Variants in GPC4 observed in about 807,000 individuals in gnomAD.
The protein encoded by GPC4 is glypican 4, also known as glypican-4.
GPC4 carries 10 observed loss-of-function variants against 35.0 expected under a neutral mutation model. The ratio of observed to expected loss-of-function variants is 0.29; its 90% CI spans 0.18 to 0.48. The LOEUF (loss-of-function observed/expected upper bound fraction) is 0.48. Among genes scored for constraint, GPC4 ranks in the 20% least tolerant of loss-of-function variants. GPC4 has a pLI of 0.99. For missense variants in GPC4, 322 were observed against 451.3 expected (o/e 0.71, Z 2.60); for synonymous variants, 167 against 170.2 (o/e 0.98, Z 0.15).
intron 1 of GPC4, among the ~76,000 whole-genome samples, chrX:133,341,695 T>A (rs1361071906): frequency 9.0e-6 from 1 of 110,971 alleles, no homozygotes; most frequent in Non-Finnish European, 1.9e-5. Context: ...CACAAACACA[T>A]GCGTACACAC....
chrX:133,349,689 T>A (rs1018168023), intron 1 of GPC4, among the ~76,000 whole-genome samples: 2 of 112,242 alleles, frequency 1.8e-5, no homozygotes, highest in East Asian at 2.8e-4. Flanking sequence ...GGCGTGAACA[T>A]AGCTCACTGC....
intron 1 of GPC4, among the ~76,000 whole-genome samples, chrX:133,356,477 T>C (rs2124147971): frequency 9.0e-6 from 1 of 111,471 alleles, no homozygotes; most frequent in East Asian, 2.8e-4. Context: ...ACTCCTGACC[T>C]CAGGTGATCT....
intron 1 of GPC4, among the ~76,000 whole-genome samples, chrX:133,342,397 G>A (rs551596801): frequency 9.0e-6 from 1 of 111,115 alleles, no homozygotes; most frequent in Non-Finnish European, 1.9e-5. Context: ...AGATCTTTCC[G>A]GGAAGATTTT....
At chrX:133,409,361 T>C (rs1189914430) in intron 1 of GPC4, among the ~76,000 whole-genome samples, 1 of 94,322 alleles carries the variant, frequency 1.1e-5, no homozygotes, top group African/African-American at 3.8e-5. Flanking sequence ...AAAAAGTGTT[T>C]AGATCCAAAA....
intron 2 of GPC4, among the ~76,000 whole-genome samples, chrX:133,332,095 A>T (rs2068422888): frequency 8.9e-6 from 1 of 112,143 alleles, no homozygotes; most frequent in Non-Finnish European, 1.9e-5. Context: ...AATACTTAAT[A>T]AAAAGAAAAA....
At chrX:133,322,927 C>T (rs7065880) in intron 3 of GPC4, among the ~76,000 whole-genome samples, 46,882 of 110,495 alleles carry the variant, frequency 0.42, 9,310 homozygotes, top group African/African-American at 0.78. Context: ...GGTATTGACT[C>T]ATGGAAAGGT....
At chrX:133,322,136 G>A (rs2068368015) in intron 3 of GPC4, among the ~76,000 whole-genome samples, 3 of 111,589 alleles carry the variant, frequency 2.7e-5, no homozygotes, top group African/African-American at 9.8e-5. Context: ...GACAGTCCTG[G>A]TTGCTTACTA....
chrX:133,375,415 T>C (rs1275235043), intron 1 of GPC4, among the ~76,000 whole-genome samples: 1 of 112,133 alleles, frequency 8.9e-6, no homozygotes, highest in Non-Finnish European at 1.9e-5. Flanking sequence ...ACAATCAGAT[T>C]TGCAAAAACA....
At chrX:133,376,757 G>A (rs1291438163) in intron 1 of GPC4, among the ~76,000 whole-genome samples, 2 of 112,082 alleles carry the variant, frequency 1.8e-5, no homozygotes, top group Non-Finnish European at 3.8e-5. Flanking sequence ...GTTCTTCCAT[G>A]CCTTCATGTG....
intron 4 of GPC4, among the ~76,000 whole-genome samples, chrX:133,309,606 C>T (rs2068305802): frequency 8.9e-6 from 1 of 112,877 alleles, no homozygotes; most frequent in Admixed American, 9.3e-5. Context: ...AGAATTCGAT[C>T]ACTGTCACCA....
At chrX:133,315,851 G>A (rs1458870928) in intron 3 of GPC4, among the ~76,000 whole-genome samples, 1 of 111,309 alleles carries the variant, frequency 9.0e-6, no homozygotes, top group African/African-American at 3.3e-5. Flanking sequence ...CAGAATCCTT[G>A]GGGCTGGGGT....
intron 1 of GPC4, among the ~76,000 whole-genome samples, chrX:133,410,913 A>G (rs1185128623): frequency 2.7e-5 from 3 of 112,291 alleles, no homozygotes; most frequent in Admixed American, 9.5e-5. Flanking sequence ...ACCCTCCCCA[A>G]GTGAAACACA....
At chrX:133,375,239 G>C (rs762914299) in intron 1 of GPC4, among the ~76,000 whole-genome samples, 3 of 111,615 alleles carry the variant, frequency 2.7e-5, no homozygotes, top group Non-Finnish European at 5.6e-5. Context: ...TTTTTGATCT[G>C]TTAATGTGTC....
rs772127082 is a variant in GPC4 at position 133,311,673 on chromosome X, C to T, written c.712-250G>A. Reference sequence around the variant, plus strand: ...AACTCCCACCCTGTAAACACCCATTCCTCCCCCACCCCCTTCCCTCCTGGA... The same window carrying T: ...AACTCCCACCCTGTAAACACCCATTTCTCCCCCACCCCCTTCCCTCCTGGA... On this transcript the variant is annotated intron_variant, in intron 3 of 8. Coordinates refer to ENST00000370828, the MANE Select transcript of GPC4 (RefSeq NM_001448.3). Among the ~76,000 whole-genome samples the T allele has an allele frequency of 3.6e-5, 4 of 110,525 alleles. No homozygotes were observed. The South Asian group carries it at 1.6e-3, about 44-fold the overall frequency.
chrX:133,347,651 T>C (rs994186077), intron 1 of GPC4, among the ~76,000 whole-genome samples: 13 of 111,141 alleles, frequency 1.2e-4, no homozygotes, highest in Non-Finnish European at 5.7e-5. Flanking sequence ...AATGCTCTGC[T>C]TCATGGGAAC....
chrX:133,342,144 C>G lies in GPC4; in HGVS notation c.161-2803G>C, dbSNP rs368521502. 5.3e-4 allele frequency among the ~76,000 whole-genome samples: 55 copies of G among 104,323 alleles called. No homozygotes were observed. In the South Asian group the frequency reaches 0.013, roughly 25 times the overall value. 90.6% of individuals were successfully genotyped at this position (104,323 alleles called of 115,157 possible). On this transcript the variant is annotated intron_variant, in intron 1 of 8. Coordinates refer to ENST00000370828, the MANE Select transcript of GPC4 (RefSeq NM_001448.3). ...CTCCGCCTCCTGGGTTCAAGGGATT[C>G]TCGTGCCTCAGCCTCCCAAGTAACT...
At chrX:133,338,635 G>A (rs1372999647) in intron 2 of GPC4, among the ~76,000 whole-genome samples, 1 of 111,586 alleles carries the variant, frequency 9.0e-6, no homozygotes, top group Admixed American at 9.6e-5. Context: ...CAGAGCTTCA[G>A]CTAATGTGAG....
At chrX:133,399,344 C>T (rs1490574693) in intron 1 of GPC4, among the ~76,000 whole-genome samples, 1 of 111,321 alleles carries the variant, frequency 9.0e-6, no homozygotes, top group East Asian at 2.8e-4. Context: ...CCCCTGTAAA[C>T]CCAATCCTTA....
At chrX:133,359,843 G>T (rs2068558869) in intron 1 of GPC4, among the ~76,000 whole-genome samples, 1 of 111,399 alleles carries the variant, frequency 9.0e-6, no homozygotes, top group Non-Finnish European at 1.9e-5. Flanking sequence ...GCCAACATGT[G>T]TAGGCTGTCT....
Sources: gnomAD v4.1 joint callset for allele counts (sites outside exome capture counted in the v4.1 genomes callset) on GRCh38, gnomAD v4.1.1 for gene constraint, MANE v1.5 for transcripts, NCBI Gene and HGNC (gene_info 2026-07-23, HGNC 2026-07-21) for gene names.